Variants in XRCC4 observed in about 807,000 individuals in gnomAD.
XRCC4 encodes DNA repair protein XRCC4.
XRCC4 carries 28 observed loss-of-function variants against 39.1 expected under a neutral mutation model. That is an observed-to-expected ratio of 0.72 (90% CI 0.53 to 0.98). The LOEUF is 0.98. Ranked by LOEUF, XRCC4 falls within the 50% of genes least tolerant of loss-of-function variation. XRCC4 has a pLI of 0.00. For missense variants in XRCC4, 350 were observed against 376.4 expected (o/e 0.93, Z 0.58); for synonymous variants, 123 against 126.4 (o/e 0.97, Z 0.18).
At chr5:83,335,699 T>G (rs1756573861) in intron 7 of XRCC4, among the ~76,000 whole-genome samples, 1 of 152,014 alleles carries the variant, frequency 6.6e-6, no homozygotes, top group South Asian at 2.1e-4. Flanking sequence ...GTAAGGAATA[T>G]ATGAAAAACA....
chr5:83,197,789 A>C (rs931195155), intron 4 of XRCC4, among the ~76,000 whole-genome samples: 1 of 152,154 alleles, frequency 6.6e-6, no homozygotes, highest in African/African-American at 2.4e-5. Context: ...TGTCTTCTTC[A>C]GGGTCTATAG....
rs188129043 is a variant in XRCC4, at chr5:83,303,495, T to A, written c.893+44818T>A. 3.7e-3 allele frequency among the ~76,000 whole-genome samples: 568 copies of A among 152,220 alleles called. 2 individuals carry two copies. Among genetic ancestry groups the A allele is most frequent in the Non-Finnish European group, 6.4e-3 (437 of 67,992 alleles). ...ATGCTTTTATTATGAGAAATACTAA[T>A]GACAATTGTGGTGGTATAATAATAA... On this transcript the variant is annotated intron_variant, in intron 7 of 7. Coordinates refer to ENST00000396027, the MANE Select transcript of XRCC4 (RefSeq NM_003401.5).
intron 7 of XRCC4, among the ~76,000 whole-genome samples, chr5:83,323,492 G>T (rs182233619): frequency 1.1e-3 from 167 of 151,954 alleles, no homozygotes; most frequent in African/African-American, 3.7e-3. Flanking sequence ...CAGTTGGAGA[G>T]AAATTATTTA....
intron 2 of XRCC4, among the ~76,000 whole-genome samples, chr5:83,108,150 A>G (rs1430952047): frequency 6.6e-6 from 1 of 151,880 alleles, no homozygotes; most frequent in Non-Finnish European, 1.5e-5. Flanking sequence ...TATGTGGTTC[A>G]GTTGCATTCT....
the XRCC4 span, among the ~76,000 whole-genome samples, chr5:83,371,414 G>A: frequency 3.4e-4 from 52 of 152,070 alleles, no homozygotes; most frequent in African/African-American, 1.2e-3. Flanking sequence ...TCCATTCCTT[G>A]TACCCAGAGC....
intron 7 of XRCC4, among the ~76,000 whole-genome samples, chr5:83,313,709 T>C (rs757968536): frequency 4.6e-5 from 7 of 152,202 alleles, no homozygotes; most frequent in Non-Finnish European, 7.4e-5. Context: ...GAATACTCTT[T>C]AGATATTGAC....
chr5:83,263,199 A>T (rs1753825764), intron 7 of XRCC4, among the ~76,000 whole-genome samples: 1 of 150,876 alleles, frequency 6.6e-6, no homozygotes, highest in Non-Finnish European at 1.5e-5. Flanking sequence ...GCTGCATAGT[A>T]TTCCATGGTG....
intron 3 of XRCC4, among the ~76,000 whole-genome samples, chr5:83,133,871 C>T (rs1053847569): frequency 1.1e-4 from 17 of 152,322 alleles, no homozygotes; most frequent in African/African-American, 3.8e-4. Context: ...CCCTTCAGGC[C>T]ACCACTGCAT....
intron 3 of XRCC4, among the ~76,000 whole-genome samples, chr5:83,170,759 A>G (rs1228751641): frequency 6.6e-6 from 1 of 152,116 alleles, no homozygotes; most frequent in Non-Finnish European, 1.5e-5. Flanking sequence ...GTTTTGCCAT[A>G]TAAGCTAACC....
chr5:83,287,659 C>T (rs987646598), intron 7 of XRCC4, among the ~76,000 whole-genome samples: 8 of 151,652 alleles, frequency 5.3e-5, no homozygotes, highest in African/African-American at 1.5e-4. Context: ...TAAGTTCCTC[C>T]CGAAAATGTG....
At chr5:83,115,486 C>A (rs1375931508) in intron 3 of XRCC4, among the ~76,000 whole-genome samples, 1 of 152,098 alleles carries the variant, frequency 6.6e-6, no homozygotes, top group Non-Finnish European at 1.5e-5. Context: ...GGGACACAGC[C>A]AAACCATATC....
chr5:83,200,162 G>A (rs918050646), intron 4 of XRCC4, among the ~76,000 whole-genome samples: 1 of 152,154 alleles, frequency 6.6e-6, no homozygotes, highest in Non-Finnish European at 1.5e-5. Flanking sequence ...AATTAGGTGG[G>A]AATGATACGA....
chr5:83,294,728 C>T (rs28360285), intron 7 of XRCC4, among the ~76,000 whole-genome samples: 53,698 of 151,796 alleles, frequency 0.35, 11,684 homozygotes, highest in Non-Finnish European at 0.49. Context: ...AAAAATAAAA[C>T]ATATAAAATA....
intron 6 of XRCC4, among the ~76,000 whole-genome samples, chr5:83,228,594 C>T (rs1752377142): frequency 6.6e-6 from 1 of 152,012 alleles, no homozygotes; most frequent in African/African-American, 2.4e-5. Context: ...AATGGTCACC[C>T]AGGTCTCTAA....
chr5:83,332,752 A>T (rs1580522305), intron 7 of XRCC4, among the ~76,000 whole-genome samples: 4 of 152,164 alleles, frequency 2.6e-5, no homozygotes, highest in African/African-American at 9.7e-5. Context: ...ACTTCAAGGC[A>T]TGTTTCATGA....
intron 6 of XRCC4, among the ~76,000 whole-genome samples, chr5:83,224,975 A>G (rs1752233086): frequency 6.6e-6 from 1 of 152,128 alleles, no homozygotes; most frequent in Non-Finnish European, 1.5e-5. Flanking sequence ...CTGGAGATTT[A>G]TCTTGTTTAT....
At chr5:83,106,180 G>C (rs1413258548) in intron 2 of XRCC4, among the ~76,000 whole-genome samples, 1 of 152,072 alleles carries the variant, frequency 6.6e-6, no homozygotes, top group Non-Finnish European at 1.5e-5. Flanking sequence ...TAGAAGATTT[G>C]TCAGCTTGGT....
At chr5:83,344,132 A>T (rs1359746228) in intron 7 of XRCC4, among the ~76,000 whole-genome samples, 1 of 131,430 alleles carries the variant, frequency 7.6e-6, no homozygotes, top group Non-Finnish European at 1.7e-5. Flanking sequence ...CACAGATCTC[A>T]CACACACACA....
chr5:83,288,825 C>T (rs1295348811), intron 7 of XRCC4, among the ~76,000 whole-genome samples: 2 of 151,634 alleles, frequency 1.3e-5, no homozygotes, highest in East Asian at 3.9e-4. Context: ...TTGTGACTGG[C>T]ATTATTTTTA....
Sources: gnomAD v4.1 joint callset for allele counts (sites outside exome capture counted in the v4.1 genomes callset) on GRCh38, gnomAD v4.1.1 for gene constraint, MANE v1.5 for transcripts, NCBI Gene and HGNC (gene_info 2026-07-23, HGNC 2026-07-21) for gene names.